PTPRM: variants seen among roughly 807,000 people sequenced by gnomAD.
PTPRM encodes the protein receptor-type tyrosine-protein phosphatase mu.
In PTPRM, 47 loss-of-function variants were observed where a neutral mutation model predicts 186.7. The observed-to-expected ratio is 0.25, with a 90% CI of 0.20 to 0.32. The LOEUF is 0.32. Among genes scored for constraint, PTPRM ranks in the 10% least tolerant of loss-of-function variants. The probability of loss-of-function intolerance (pLI) is 1.00; values close to 1 mark genes in which losing one functional copy is unlikely to be tolerated. For synonymous variants in PTPRM, 668 were observed against 674.9 expected (o/e 0.99, Z 0.16); for missense variants, 1,494 against 1,865.0 (o/e 0.80, Z 3.66).
intron 20 of PTPRM, among the ~76,000 whole-genome samples, chr18:8,300,446 C>T (rs78078857): frequency 0.027 from 4,094 of 151,976 alleles, 67 homozygotes; most frequent in Middle Eastern, 0.051. Context: ...AAAAAAATCT[C>T]ACTTCTTCAT....
chr18:7,612,456 G>A (rs769232219), intron 1 of PTPRM, among the ~76,000 whole-genome samples: 2 of 152,124 alleles, frequency 1.3e-5, no homozygotes, highest in African/African-American at 2.4e-5. Flanking sequence ...CACTTTCTAT[G>A]ATTCCCAACA....
chr18:8,098,617 T>A (rs1213585897), intron 11 of PTPRM, among the ~76,000 whole-genome samples: 1 of 152,102 alleles, frequency 6.6e-6, no homozygotes, highest in African/African-American at 2.4e-5. Context: ...CTTTTTTTTT[T>A]AATAAGAAGA....
intron 13 of PTPRM, among the ~76,000 whole-genome samples, chr18:8,130,316 A>AGCT (rs2092472006): frequency 6.6e-6 from 1 of 152,150 alleles, no homozygotes; most frequent in Non-Finnish European, 1.5e-5. Flanking sequence ...GCCGTTGTCC[A>AGCT]GCTGCTGTCC....
chr18:8,334,985 A>T (rs1406505925), intron 22 of PTPRM, among the ~76,000 whole-genome samples: 3 of 152,182 alleles, frequency 2.0e-5, no homozygotes, highest in Admixed American at 6.5e-5. Context: ...TGCCCCCCGT[A>T]GAGTCCGTTC....
At chr18:7,711,622 C>T (rs979383581) in intron 1 of PTPRM, among the ~76,000 whole-genome samples, 64 of 152,206 alleles carry the variant, frequency 4.2e-4, no homozygotes, top group African/African-American at 1.1e-3. Context: ...CTGAAGTTGA[C>T]ATGGGACACT....
At chr18:8,109,383 G>T (rs1017078278) in intron 11 of PTPRM, among the ~76,000 whole-genome samples, 7 of 152,206 alleles carry the variant, frequency 4.6e-5, no homozygotes, top group Admixed American at 3.9e-4. Flanking sequence ...AATCTAATTT[G>T]TCTTGTGGAG....
chr18:7,985,214 T>G (rs2082859255), intron 7 of PTPRM, among the ~76,000 whole-genome samples: 1 of 120,000 alleles, frequency 8.3e-6, no homozygotes, highest in Non-Finnish European at 1.6e-5. Flanking sequence ...TATAATTGTA[T>G]ATACACATAT....
chr18:7,658,357 T>C (rs968891348), intron 1 of PTPRM, among the ~76,000 whole-genome samples: 28 of 138,120 alleles, frequency 2.0e-4, no homozygotes, highest in East Asian at 6.8e-4. Context: ...TATATATATA[T>C]ATACATACAC....
intron 14 of PTPRM, among the ~76,000 whole-genome samples, chr18:8,229,735 C>T (rs2094261398): frequency 6.6e-6 from 1 of 152,150 alleles, no homozygotes; most frequent in African/African-American, 2.4e-5. Context: ...ATTTGATTTT[C>T]AACTTGTAAG....
chr18:7,851,765 G>A lies in PTPRM; in HGVS notation c.197-36341G>A, dbSNP rs1035515990. Reference sequence around the variant, plus strand: ...CATGATCGTGCAGGGAATAAGGAGCGGTGGCAAGGAGTATTGCTGGAGGTA... The same window carrying A: ...CATGATCGTGCAGGGAATAAGGAGCAGTGGCAAGGAGTATTGCTGGAGGTA... On this transcript the variant is annotated intron_variant, in intron 2 of 32. Transcript: ENST00000580170. Among the ~76,000 whole-genome samples the A allele has an allele frequency of 6.6e-5, 10 of 152,078 alleles. No individual in the cohort carries two copies. The East Asian group carries it at 7.7e-4, about 12-fold the overall frequency.
chr18:7,916,291 G>A lies in PTPRM; in HGVS notation c.547+9708G>A, dbSNP rs190254146. Among the ~76,000 whole-genome samples the A allele has an allele frequency of 2.8e-3, 419 of 152,224 alleles. 4 individuals carry two copies. The highest frequency in any genetic ancestry group is 9.6e-3 in the African/African-American group (397 of 41,532). ...AGAAAGTGATATTCCAAAACTGGGCGTACCATAGATGAACACACCTTTAGC... is the reference window on the plus strand; with the variant it reads ...AGAAAGTGATATTCCAAAACTGGGCATACCATAGATGAACACACCTTTAGC... On this transcript the variant is annotated intron_variant, in intron 4 of 32. Coordinates refer to ENST00000580170, the MANE Select transcript of PTPRM (RefSeq NM_001105244.2).
At chr18:8,071,747 C>T (rs990643925) in intron 8 of PTPRM, among the ~76,000 whole-genome samples, 21 of 152,278 alleles carry the variant, frequency 1.4e-4, no homozygotes, top group African/African-American at 4.8e-4. Flanking sequence ...TTCTCAAGCT[C>T]GCCTACTCTG....
At chr18:8,101,672 G>T (rs1377260249) in intron 11 of PTPRM, among the ~76,000 whole-genome samples, 1 of 152,138 alleles carries the variant, frequency 6.6e-6, no homozygotes, top group Non-Finnish European at 1.5e-5. Context: ...GAGGTTCAGG[G>T]AGGTTAACAG....
intron 1 of PTPRM, among the ~76,000 whole-genome samples, chr18:7,637,479 A>G (rs2038345260): frequency 6.6e-6 from 1 of 152,196 alleles, no homozygotes; most frequent in Non-Finnish European, 1.5e-5. Context: ...CCTCTTACCC[A>G]CTAGCATTGG....
At chr18:7,683,566 A>T (rs1035226325) in intron 1 of PTPRM, among the ~76,000 whole-genome samples, 2 of 152,168 alleles carry the variant, frequency 1.3e-5, no homozygotes, top group African/African-American at 2.4e-5. Context: ...AGATTGGCAT[A>T]GGAAGTTAGA....
chr18:8,086,777 G>A (rs2090455456), intron 10 of PTPRM, among the ~76,000 whole-genome samples: 1 of 152,108 alleles, frequency 6.6e-6, no homozygotes, highest in Non-Finnish European at 1.5e-5. Flanking sequence ...TATTGTAAGT[G>A]TTTGGCTAGG....
chr18:8,245,227 C>T (rs913083566), intron 15 of PTPRM, among the ~76,000 whole-genome samples: 3 of 152,098 alleles, frequency 2.0e-5, no homozygotes, highest in Non-Finnish European at 4.4e-5. Context: ...TGTCCCTGAG[C>T]TTTGCGTTTC....
intron 14 of PTPRM, among the ~76,000 whole-genome samples, chr18:8,225,226 T>C (rs2094199457): frequency 1.3e-5 from 2 of 152,206 alleles, no homozygotes; most frequent in South Asian, 4.1e-4. Flanking sequence ...TATTTACCAA[T>C]TTCAGAATGA....
At chr18:8,362,260 A>T (rs2095601670) in intron 23 of PTPRM, among the ~76,000 whole-genome samples, 1 of 152,188 alleles carries the variant, frequency 6.6e-6, no homozygotes, top group Non-Finnish European at 1.5e-5. Flanking sequence ...TTAGCAGCCC[A>T]TCCCAGCAGG....
Sources: allele counts gnomAD v4.1 joint callset (sites outside exome capture counted in the v4.1 genomes callset), GRCh38; gene constraint gnomAD v4.1.1; transcripts MANE v1.5; gene names NCBI Gene and HGNC (gene_info 2026-07-23, HGNC 2026-07-21).